Variants in TBXAS1 observed in about 807,000 individuals in gnomAD.
The protein encoded by TBXAS1 is thromboxane A synthase 1.
In TBXAS1, 48 loss-of-function variants were observed where a neutral mutation model predicts 60.7. The ratio of observed to expected loss-of-function variants is 0.79; its 90% CI spans 0.63 to 1.01. TBXAS1 has a LOEUF of 1.01. Among genes scored for constraint, TBXAS1 ranks in the 50% least tolerant of loss-of-function variants. The pLI is 0.00. For synonymous variants in TBXAS1, 287 were observed against 269.7 expected (o/e 1.06, Z -0.63); for missense variants, 685 against 686.3 (o/e 1.00, Z 0.02).
chr7:139,969,355 A>G lies in TBXAS1; in HGVS notation c.1134+7122A>G, dbSNP rs1440932036. 7.4e-5 allele frequency among the ~76,000 whole-genome samples: 11 copies of G among 148,130 alleles called. No individual in the cohort carries two copies. In the Admixed American group the frequency reaches 7.7e-4, roughly 10 times the overall value. Reference sequence around the variant, plus strand: ...GATAAAAGAACATTCTGTGCTGGTTATTTCAGCTTATTAGCTCATGCTGCT... The same window carrying G: ...GATAAAAGAACATTCTGTGCTGGTTGTTTCAGCTTATTAGCTCATGCTGCT... On this transcript the variant is annotated intron_variant, in intron 9 of 12. Transcript: ENST00000448866.
At chr7:139,971,081 T>C (rs976055354) in intron 9 of TBXAS1, among the ~76,000 whole-genome samples, 5 of 152,176 alleles carry the variant, frequency 3.3e-5, no homozygotes, top group Admixed American at 2.6e-4. Context: ...ACTAGAGGAA[T>C]AGGAGCTTCA....
At chr7:139,849,313 A>G (rs576807830) in intron 1 of TBXAS1, among the ~76,000 whole-genome samples, 31 of 151,560 alleles carry the variant, frequency 2.0e-4, no homozygotes, top group African/African-American at 7.0e-4. Flanking sequence ...CAGGATGTGG[A>G]TGTTGTAGTG....
intron 3 of TBXAS1, among the ~76,000 whole-genome samples, chr7:139,879,242 A>G (rs1436160227): frequency 6.6e-6 from 1 of 152,216 alleles, no homozygotes; most frequent in Admixed American, 6.5e-5. Context: ...ATCTTCACCA[A>G]GTGTCTACTT....
intron 1 of TBXAS1, among the ~76,000 whole-genome samples, chr7:139,847,329 T>C (rs1799884995): frequency 6.6e-6 from 1 of 152,166 alleles, no homozygotes; most frequent in East Asian, 1.9e-4. Context: ...GAAGTATCAA[T>C]GAGGCATAGC....
At position 139,785,813 on chromosome 7, in the gene TBXAS1, G is replaced by A. The variant is rs138287669; in HGVS notation, c.-168-1525G>A. ...ATCTCATCTCCCACTCTTGCATCTC[G>A]TGCATCCTAAGCAATAGCTGCACAG... is the stretch of plus-strand genomic sequence containing the variant. On this transcript the variant is annotated intron_variant, in intron 3 of 16. Transcript: ENST00000336425. Among the ~76,000 whole-genome samples the A allele has an allele frequency of 5.3e-5, 8 of 151,746 alleles. No individual in the cohort carries two copies. The East Asian group carries it at 9.7e-4, about 18-fold the overall frequency.
At chr7:139,969,455 TACAA>T (rs1322881358) in intron 9 of TBXAS1, among the ~76,000 whole-genome samples, 377 of 18,744 alleles carry the variant, frequency 0.02, 3 homozygotes, top group African/African-American at 0.066. Flanking sequence ...ATTATGTGCT[TACAA>T]AAAAAAAAAA....
chr7:139,808,180 A>T (rs2116387522), intron 4 of TBXAS1, among the ~76,000 whole-genome samples: 1 of 152,062 alleles, frequency 6.6e-6, no homozygotes. Flanking sequence ...AAAAAAAAAA[A>T]TGCAAAAATT....
At chr7:139,955,241 G>C (rs1412494263) in intron 6 of TBXAS1, among the ~76,000 whole-genome samples, 1 of 152,090 alleles carries the variant, frequency 6.6e-6, no homozygotes, top group East Asian at 1.9e-4. Flanking sequence ...AGGTCTTCGT[G>C]TCTCCTCCCA....
intron 4 of TBXAS1, among the ~76,000 whole-genome samples, chr7:139,813,404 A>G (rs984699802): frequency 3.9e-5 from 6 of 152,200 alleles, no homozygotes; most frequent in South Asian, 2.1e-4. Flanking sequence ...GGCTGAGGAA[A>G]CACCCTTCTG....
At chr7:139,957,908 C>A in intron 8 of TBXAS1, 144 bp downstream of exon 8, 1 of 1,256,820 alleles carries the variant, frequency 8.0e-7, no homozygotes, top group Non-Finnish European at 1.1e-6. Context: ...CTTCCAGGGA[C>A]AGTGGAGAGA....
intron 1 of TBXAS1, among the ~76,000 whole-genome samples, chr7:139,864,009 T>A (rs919885847): frequency 1.3e-5 from 2 of 152,152 alleles, no homozygotes; most frequent in African/African-American, 2.4e-5. Context: ...TCCTGCAGAA[T>A]CAAGAACAAG....
At chr7:139,971,689 C>T (rs938437217) in intron 9 of TBXAS1, among the ~76,000 whole-genome samples, 2 of 152,090 alleles carry the variant, frequency 1.3e-5, no homozygotes, top group African/African-American at 2.4e-5. Flanking sequence ...GAAACTGACC[C>T]GCTCTGCCTG....
intron 4 of TBXAS1, among the ~76,000 whole-genome samples, chr7:139,817,726 C>A (rs1451710337): frequency 6.6e-6 from 1 of 152,152 alleles, no homozygotes; most frequent in Non-Finnish European, 1.5e-5. Context: ...TCTCTCTGCA[C>A]CTCTTCTTTT....
chr7:140,002,082 G>T (rs1813713913), intron 9 of TBXAS1, among the ~76,000 whole-genome samples: 1 of 152,212 alleles, frequency 6.6e-6, no homozygotes, highest in Non-Finnish European at 1.5e-5. Context: ...ACAGTGCCTG[G>T]TGAATCATGC....
chr7:140,017,539 TGAGC>T (rs1398553722), intron 11 of TBXAS1, 128 bp from the exon 12 acceptor site: 1 of 1,214,122 alleles, frequency 8.2e-7, no homozygotes, highest in East Asian at 2.4e-5. Flanking sequence ...GGCTCAGGAA[TGAGC>T]AGCCATCAGC....
At chr7:139,834,854 G>A (rs1162702538) in intron 1 of TBXAS1, among the ~76,000 whole-genome samples, 5 of 152,012 alleles carry the variant, frequency 3.3e-5, no homozygotes, top group African/African-American at 9.7e-5. Flanking sequence ...AAAAGTCCAG[G>A]ACCATAAGGA....
chr7:139,814,528 A>G (rs1405253035), intron 4 of TBXAS1, among the ~76,000 whole-genome samples: 2 of 152,196 alleles, frequency 1.3e-5, no homozygotes, highest in African/African-American at 2.4e-5. Context: ...ATTGGAGGAA[A>G]GAACAGATGT....
intron 5 of TBXAS1, 86 bp downstream of exon 5, chr7:139,936,393 T>A: frequency 7.4e-7 from 1 of 1,349,056 alleles, no homozygotes; most frequent in Non-Finnish European, 1.1e-6. Flanking sequence ...TCATGTTGCA[T>A]CACTTGCCCA....
chr7:139,923,086 G>C (rs1352682892), intron 4 of TBXAS1, among the ~76,000 whole-genome samples: 1 of 152,180 alleles, frequency 6.6e-6, no homozygotes, highest in Non-Finnish European at 1.5e-5. Flanking sequence ...GGAAGGCCAA[G>C]GTGGGGGAAT....
Sources: allele counts gnomAD v4.1 joint callset (sites outside exome capture counted in the v4.1 genomes callset), GRCh38; gene constraint gnomAD v4.1.1; transcripts MANE v1.5; gene names NCBI Gene and HGNC (gene_info 2026-07-23, HGNC 2026-07-21).